The following CFAP251 variants were observed in gnomAD, a reference collection of about 807,000 sequenced individuals.
The protein encoded by CFAP251 is cilia- and flagella-associated protein 251.
In CFAP251, 93 loss-of-function variants were observed where a neutral mutation model predicts 126.7. The observed-to-expected ratio is 0.73, with a 90% CI of 0.62 to 0.87. The LOEUF is 0.87. Among genes scored for constraint, CFAP251 ranks in the 40% least tolerant of loss-of-function variants. The pLI, the probability that CFAP251 is intolerant of heterozygous loss-of-function variation, is 0.00. For synonymous variants in CFAP251, 503 were observed against 506.9 expected (o/e 0.99, Z 0.10); for missense variants, 1,287 against 1,389.2 (o/e 0.93, Z 1.17).
chr12:122,000,327 G>A lies in CFAP251; in HGVS notation c.3235+383G>A, dbSNP rs1314752373. Among the ~76,000 whole-genome samples the A allele has an allele frequency of 2.0e-5, 3 of 151,916 alleles. No homozygotes were observed. In the East Asian group the frequency reaches 5.8e-4, roughly 29 times the overall value. ...AGCACTTTGGGAGGCCGAGGCGGGC[G>A]GATTGCTTGAGGTCAGAAGTTCAAG... On this transcript the variant is annotated intron_variant, in intron 20 of 21. Transcript: ENST00000288912.
At chr12:121,977,764 G>A (rs753360995) in intron 19 of CFAP251, among the ~76,000 whole-genome samples, 9 of 150,870 alleles carry the variant, frequency 6.0e-5, no homozygotes, top group Admixed American at 3.3e-4. Context: ...GACCATCCTG[G>A]CTAACACGGT....
At chr12:121,972,822 C>T (rs534121912) in intron 17 of CFAP251, among the ~76,000 whole-genome samples, 4 of 152,216 alleles carry the variant, frequency 2.6e-5, no homozygotes, top group South Asian at 2.1e-4. Context: ...GCAAAGCATT[C>T]GAGAGGTGAC....
chr12:121,943,331 T>C (rs1036681456), intron 7 of CFAP251, among the ~76,000 whole-genome samples: 2 of 152,198 alleles, frequency 1.3e-5, no homozygotes, highest in Non-Finnish European at 2.9e-5. Context: ...AAAAACAAAG[T>C]TCTACAAATG....
Position 121,943,037 on chromosome 12 carries a change from G to A in CFAP251, c.1191+62G>A, listed in dbSNP as rs1881187486. The A allele has an allele frequency of 1.3e-5, 21 of 1,566,792 alleles. 1 individual carries two copies. In the South Asian group the frequency reaches 1.7e-4, roughly 12 times the overall value. ...GTTATACAGGTGCAAGGCCAGGCTG[G>A]GCGTGGTGGCTCACACCTGTAATCC... is the stretch of plus-strand genomic sequence containing the variant. On this transcript the variant is annotated intron_variant, in intron 7 of 21. Coordinates refer to ENST00000288912, the MANE Select transcript of CFAP251 (RefSeq NM_144668.6).
chr12:121,927,342 G>A (rs1880459553), intron 3 of CFAP251, among the ~76,000 whole-genome samples: 1 of 151,878 alleles, frequency 6.6e-6, no homozygotes, highest in South Asian at 2.1e-4. Context: ...TCTCACCCAG[G>A]CTGGAGTGCA....
chr12:121,944,200 C>T (rs1881231641), intron 7 of CFAP251, among the ~76,000 whole-genome samples: 1 of 152,194 alleles, frequency 6.6e-6, no homozygotes, highest in Non-Finnish European at 1.5e-5. Context: ...GTGGTAAGTA[C>T]ATGCCTGACT....
At chr12:121,968,244 C>T in intron 17 of CFAP251, 75 bp downstream of exon 17, 2 of 1,428,470 alleles carry the variant, frequency 1.4e-6, no homozygotes, top group Non-Finnish European at 9.5e-7. Flanking sequence ...GACACTGAAC[C>T]CTACTGCGTG....
intron 3 of CFAP251, among the ~76,000 whole-genome samples, chr12:121,926,323 T>C (rs1410121520): frequency 6.6e-6 from 1 of 151,888 alleles, no homozygotes; most frequent in African/African-American, 2.4e-5. Flanking sequence ...TCCTTTATTA[T>C]TTTTTTCTTT....
intron 19 of CFAP251, chr12:121,999,178 G>A (rs1436233667): frequency 1.3e-5 from 2 of 152,440 alleles, no homozygotes; most frequent in Non-Finnish European, 2.9e-5. Context: ...TAATAATAAT[G>A]TATTATATTA....
At chr12:121,937,420 A>G (rs142511157) in intron 5 of CFAP251, among the ~76,000 whole-genome samples, 11 of 152,300 alleles carry the variant, frequency 7.2e-5, no homozygotes, top group Admixed American at 2.6e-4. Context: ...ACCTGTGTCC[A>G]AATAAGGTCA....
intron 12 of CFAP251, 120 bp from the exon 13 acceptor site, chr12:121,958,823 A>G: frequency 8.0e-7 from 1 of 1,255,512 alleles, no homozygotes; most frequent in Non-Finnish European, 1.1e-6. Flanking sequence ...ATTTCTCCGC[A>G]CGGGAGCTTT....
At chr12:121,932,154 T>C (rs1183269304) in intron 4 of CFAP251, 1 of 244,544 alleles carries the variant, frequency 4.1e-6, no homozygotes, top group African/African-American at 2.3e-5. Flanking sequence ...TCTGCAAAAA[T>C]GTGGACAGCG....
chr12:121,937,901 C>T (rs996969691), intron 5 of CFAP251, among the ~76,000 whole-genome samples: 3 of 152,222 alleles, frequency 2.0e-5, no homozygotes, highest in African/African-American at 7.2e-5. Context: ...TAGCATCGTG[C>T]TTGAAGGTTC....
At chr12:121,932,049 T>G in intron 4 of CFAP251, 163 bp downstream of exon 4, 1 of 554,394 alleles carries the variant, frequency 1.8e-6, no homozygotes, top group Non-Finnish European at 2.8e-6. Flanking sequence ...TGGTATTGTT[T>G]ATTGTCTCTC....
intron 4 of CFAP251, among the ~76,000 whole-genome samples, chr12:121,933,814 G>T (rs1336819738): frequency 6.6e-6 from 1 of 152,124 alleles, no homozygotes; most frequent in Non-Finnish European, 1.5e-5. Context: ...GTGAGACCCT[G>T]CCTCAAACAA....
At chr12:121,922,026 C>T (rs1880202360) in intron 2 of CFAP251, among the ~76,000 whole-genome samples, 1 of 151,754 alleles carries the variant, frequency 6.6e-6, no homozygotes, top group Non-Finnish European at 1.5e-5. Context: ...AATGCATGAT[C>T]TCAAATGATC....
In CFAP251 at chr12:121,921,507, G is replaced by A; in HGVS notation, c.202G>A (p.Glu68Lys). Reference protein sequence around the residue: ...GEEEGEEEGKEDKKIVMEETE... With the variant: ...GEEEGEEEGKKDKKIVMEETE... ...GGAGGAAGGGGAGGAGGAGGGGAAG[G>A]AGGACAAAAAGATTGTCATGGAAGA... is the stretch of plus-strand genomic sequence containing the variant. Residue 68 changes from glutamate to lysine, a missense_variant, in exon 2 of 22, where the codon GAG becomes AAG. By Grantham distance (56) the Glu-to-Lys change is moderately conservative. Transcript: ENST00000288912. 6.2e-7 allele frequency: 1 copy of A among 1,613,620 alleles called. No homozygotes were observed. The highest frequency in any genetic ancestry group is 8.5e-7 in the Non-Finnish European group (1 of 1,179,620).
chr12:121,966,857 T>G, intron 15 of CFAP251, 98 bp from the exon 16 acceptor site: 1 of 1,073,236 alleles, frequency 9.3e-7, no homozygotes, highest in Non-Finnish European at 1.4e-6. Flanking sequence ...GTGCTGGGAT[T>G]ACAGGTGTGA....
chr12:121,928,626 G>GTGTGTATATATA (rs148145141), intron 3 of CFAP251, among the ~76,000 whole-genome samples: 2 of 43,182 alleles, frequency 4.6e-5, no homozygotes, highest in South Asian at 7.1e-4. Context: ...ATGTATATGT[G>GTGTGTATATATA]TATATATATA....
Sources: allele counts gnomAD v4.1 joint callset (sites outside exome capture counted in the v4.1 genomes callset), GRCh38; gene constraint gnomAD v4.1.1; transcripts MANE v1.5; gene names NCBI Gene and HGNC (gene_info 2026-07-23, HGNC 2026-07-21).